WWOX: variants seen among roughly 807,000 people sequenced by gnomAD.
WWOX encodes WW domain containing oxidoreductase.
A neutral mutation model predicts 46.2 loss-of-function variants in WWOX; 69 were observed. That is an observed-to-expected ratio of 1.49 (90% CI 1.23 to 1.82). WWOX has a LOEUF of 1.82. WWOX is among the 40% of genes most tolerant of loss of function. The pLI is 0.00. For missense variants in WWOX, 919 were observed against 542.6 expected (o/e 1.69, Z -6.89); for synonymous variants, 359 against 202.6 (o/e 1.77, Z -6.56).
chr16:78,201,477 T>C (rs994289484), intron 5 of WWOX, among the ~76,000 whole-genome samples: 1 of 152,138 alleles, frequency 6.6e-6, no homozygotes, highest in African/African-American at 2.4e-5. Context: ...ACCAAATAAA[T>C]GAGTAGCAGG....
chr16:78,381,861 G>A (rs564564059), intron 5 of WWOX, among the ~76,000 whole-genome samples: 1 of 152,026 alleles, frequency 6.6e-6, no homozygotes, highest in South Asian at 2.1e-4. Flanking sequence ...ACGGTGGTGG[G>A]ATTTTTTTCT....
At chr16:78,720,746 C>A (rs549210564) in intron 8 of WWOX, among the ~76,000 whole-genome samples, 1 of 152,210 alleles carries the variant, frequency 6.6e-6, no homozygotes, top group East Asian at 1.9e-4. Flanking sequence ...CTGCTTGTCT[C>A]TTCTAGAATT....
chr16:78,984,002 C>A (rs574100721), intron 8 of WWOX, among the ~76,000 whole-genome samples: 3 of 151,350 alleles, frequency 2.0e-5, no homozygotes, highest in Non-Finnish European at 4.4e-5. Context: ...CTCAGCCTCC[C>A]GAGTAGCTGG....
chr16:79,191,784 C>T (rs1018759867), intron 8 of WWOX, among the ~76,000 whole-genome samples: 3 of 152,182 alleles, frequency 2.0e-5, no homozygotes, highest in Non-Finnish European at 4.4e-5. Flanking sequence ...GGAAAATCCA[C>T]TGAATAAATG....
At chr16:78,252,910 T>C (rs2038022574) in intron 5 of WWOX, among the ~76,000 whole-genome samples, 2 of 152,216 alleles carry the variant, frequency 1.3e-5, no homozygotes, top group Non-Finnish European at 2.9e-5. Context: ...CAACACAGAT[T>C]GCAAAATTAC....
At chr16:79,085,736 C>G (rs1011308406) in intron 8 of WWOX, among the ~76,000 whole-genome samples, 1 of 152,060 alleles carries the variant, frequency 6.6e-6, no homozygotes, top group Non-Finnish European at 1.5e-5. Flanking sequence ...AAAAGGCATT[C>G]AGAAGTATTA....
rs1216327293 is a variant in WWOX, at chr16:78,612,620, C to T, written c.1056+179868C>T. 2.0e-5 allele frequency among the ~76,000 whole-genome samples: 3 copies of T among 152,116 alleles called. No individual in the cohort carries two copies. The East Asian group carries it at 5.8e-4, about 29-fold the overall frequency. On this transcript the variant is annotated intron_variant, in intron 8 of 8. Transcript: ENST00000566780. ...CCTGCCAAGTAGGACTACAGTTGTGCACTACCACACCTGGCTATTTTTAAT... is the reference window on the plus strand; with the variant it reads ...CCTGCCAAGTAGGACTACAGTTGTGTACTACCACACCTGGCTATTTTTAAT...
chr16:78,667,670 C>CAAAAAA (rs35375082), intron 8 of WWOX, among the ~76,000 whole-genome samples: 28 of 61,166 alleles, frequency 4.6e-4, no homozygotes, highest in Non-Finnish European at 6.7e-4. Flanking sequence ...GACTCCGTCT[C>CAAAAAA]AAAAAAAAAA....
intron 3 of WWOX, among the ~76,000 whole-genome samples, chr16:78,113,291 G>A (rs1370963587): frequency 1.3e-5 from 2 of 152,214 alleles, no homozygotes. Context: ...TAGCTTGAGA[G>A]CCTCCCGTCT....
chr16:78,406,082 T>C (rs914053824), intron 6 of WWOX, among the ~76,000 whole-genome samples: 4 of 151,920 alleles, frequency 2.6e-5, no homozygotes, highest in Non-Finnish European at 5.9e-5. Context: ...CGCTCATGTT[T>C]GTTCTTTTTA....
chr16:78,385,935 A>T (rs936495786), intron 5 of WWOX, among the ~76,000 whole-genome samples: 1 of 152,212 alleles, frequency 6.6e-6, no homozygotes, highest in Admixed American at 6.5e-5. Flanking sequence ...GGAGTGGCCC[A>T]TACACAGAAG....
At chr16:78,417,378 C>T (rs2082822268) in intron 6 of WWOX, among the ~76,000 whole-genome samples, 1 of 152,104 alleles carries the variant, frequency 6.6e-6, no homozygotes, top group African/African-American at 2.4e-5. Context: ...CAGGCATGAG[C>T]CACCATATCT....
At chr16:78,171,403 TA>T (rs1484966479) in intron 5 of WWOX, among the ~76,000 whole-genome samples, 1 of 152,196 alleles carries the variant, frequency 6.6e-6, no homozygotes, top group Non-Finnish European at 1.5e-5. Context: ...CCTTTGACAC[TA>T]AAAGCTTAAG....
At chr16:78,592,864 G>T (rs1011343549) in intron 8 of WWOX, among the ~76,000 whole-genome samples, 1 of 152,134 alleles carries the variant, frequency 6.6e-6, no homozygotes, top group Non-Finnish European at 1.5e-5. Context: ...TCGCTGCCCA[G>T]AATGACCAGG....
intron 8 of WWOX, among the ~76,000 whole-genome samples, chr16:79,051,569 C>T: frequency 1.7e-5 from 1 of 59,570 alleles, no homozygotes; most frequent in Non-Finnish European, 3.0e-5. Flanking sequence ...TTGCTGTGTG[C>T]TGGGTGGGTG....
chr16:78,986,912 C>T (rs1354924621), intron 8 of WWOX, among the ~76,000 whole-genome samples: 1 of 152,056 alleles, frequency 6.6e-6, no homozygotes, highest in Non-Finnish European at 1.5e-5. Flanking sequence ...TGCAAGGACT[C>T]AGTAAAACAA....
intron 5 of WWOX, among the ~76,000 whole-genome samples, chr16:78,328,930 C>G (rs1342179896): frequency 1.3e-5 from 2 of 152,096 alleles, no homozygotes; most frequent in Non-Finnish European, 2.9e-5. Flanking sequence ...GGTGCGATCT[C>G]AGCTCACTGC....
chr16:78,649,553 A>C (rs2046919243), intron 8 of WWOX, among the ~76,000 whole-genome samples: 1 of 152,178 alleles, frequency 6.6e-6, no homozygotes, highest in Non-Finnish European at 1.5e-5. Context: ...CTGGGATTAC[A>C]GGCTTGAGCT....
At chr16:78,246,159 T>C (rs573534191) in intron 5 of WWOX, among the ~76,000 whole-genome samples, 51 of 152,332 alleles carry the variant, frequency 3.3e-4, no homozygotes, top group Non-Finnish European at 6.5e-4. Flanking sequence ...GGATTTTCTT[T>C]CTGTTGCCAT....
Sources: gnomAD v4.1 joint callset for allele counts (sites outside exome capture counted in the v4.1 genomes callset) on GRCh38, gnomAD v4.1.1 for gene constraint, MANE v1.5 for transcripts, NCBI Gene and HGNC (gene_info 2026-07-23, HGNC 2026-07-21) for gene names.